TRANK1: variants seen among roughly 807,000 people sequenced by gnomAD.
The protein encoded by TRANK1 is tetratricopeptide repeat and ankyrin repeat containing 1.
In TRANK1, 198 loss-of-function variants were observed where a neutral mutation model predicts 266.0. The ratio of observed to expected loss-of-function variants is 0.74; its 90% CI spans 0.66 to 0.84. TRANK1 has a LOEUF of 0.84. Among genes scored for constraint, TRANK1 ranks in the 40% least tolerant of loss-of-function variants. TRANK1 has a pLI of 0.00. For missense variants in TRANK1, 3,326 were observed against 3,634.6 expected, an observed-to-expected ratio of 0.92 and a Z score of 2.18; for synonymous variants, 1,396 against 1,384.1, an observed-to-expected ratio of 1.01 and a Z score of -0.19.
Position 36,831,441 on chromosome 3 carries a change from T to C in TRANK1, c.8142A>G (p.Gln2714=). 6.2e-7 allele frequency: 1 copy of C among 1,613,234 alleles called. No individual in the cohort carries two copies. The highest frequency in any genetic ancestry group is 1.3e-5 in the African/African-American group (1 of 75,024). The change falls in exon 22 of 24, where the codon CAA becomes CAG. Residue 2714 remains glutamine, a synonymous_variant. Transcript: ENST00000645898. This position sits in a 1 kb window ranked among gnomAD's most constrained non-coding sequence, Gnocchi z 5.0. ...ACTTCCGCTGTATGGAGGCCTTCCGTTGCTTTTGGGAAAGAATGGTGGCCA... is the reference window on the plus strand; with the variant it reads ...ACTTCCGCTGTATGGAGGCCTTCCGCTGCTTTTGGGAAAGAATGGTGGCCA... The part of the protein sequence containing the change: ...HVLATILSQK[Q]RKASIQRKLR...
Position 36,827,913 on chromosome 3 carries a change from T to TC in TRANK1, c.*361dup, listed in dbSNP as rs112093240. 8.1e-3 allele frequency: 1,404 copies of TC among 174,370 alleles called. 17 individuals are homozygous for TC. Among genetic ancestry groups the TC allele is most frequent in the African/African-American group, 0.032 (1,346 of 42,232 alleles). 10.8% of individuals were successfully genotyped at this position (174,370 alleles called of 1,614,324 possible). A position where few individuals can be genotyped will look rare whatever the true frequency, so the allele number is the denominator to read the frequency against. ...GCAGCAGCAACTGAGGTGAGGAGAGTCTGTCCTAACACCTAGTCCTCTGCT... is the reference window on the plus strand; with the variant it reads ...GCAGCAGCAACTGAGGTGAGGAGAGTCCTGTCCTAACACCTAGTCCTCTGCT... On this transcript the variant is annotated 3_prime_UTR_variant, in exon 24 of 24. Coordinates refer to ENST00000645898, the MANE Select transcript of TRANK1 (RefSeq NM_001329998.2).
At chr3:36,867,249 C>T (rs1036754386) in intron 9 of TRANK1, among the ~76,000 whole-genome samples, 1 of 152,002 alleles carries the variant, frequency 6.6e-6, no homozygotes, top group Non-Finnish European at 1.5e-5. Context: ...CACTATCAAG[C>T]TGATGGAAAC....
intron 15 of TRANK1, among the ~76,000 whole-genome samples, chr3:36,849,521 C>G (rs1308259447): frequency 6.6e-6 from 1 of 152,138 alleles, no homozygotes; most frequent in Non-Finnish European, 1.5e-5. Flanking sequence ...CACATATAAG[C>G]CCAGATAACA....
At chr3:36,933,123 C>T (rs2080381849) in intron 1 of TRANK1, among the ~76,000 whole-genome samples, 1 of 152,104 alleles carries the variant, frequency 6.6e-6, no homozygotes, top group Non-Finnish European at 1.5e-5. Flanking sequence ...TTTGGAAATG[C>T]TCTCTAGCTC....
intron 17 of TRANK1, among the ~76,000 whole-genome samples, chr3:36,844,455 G>A (rs556287047): frequency 2.0e-5 from 3 of 152,286 alleles, no homozygotes; most frequent in South Asian, 4.1e-4. Context: ...TTGAACTCCT[G>A]ACGTCAGGTG....
rs1349310352 is a variant in TRANK1, at chr3:36,874,295, T to A, written c.909A>T (p.Arg303=). ...GGAGCATCTGCACATCCTCTGTTTG[T>A]CCTAGGGCAGGCCAAAATGAGAAGG... ...AAHSPGYLVK[R]QTEDVQMLLR... The change falls in exon 9 of 24, where the codon CGA becomes CGT. Residue 303 remains arginine, a splice_region_variant and synonymous_variant. Transcript: ENST00000645898. 1.3e-6 allele frequency: 2 copies of A among 1,535,994 alleles called. No homozygotes were observed. Among genetic ancestry groups the A allele is most frequent in the African/African-American group, 2.7e-5 (2 of 72,920 alleles).
intron 13 of TRANK1, among the ~76,000 whole-genome samples, chr3:36,853,165 C>G (rs2079007927): frequency 6.6e-6 from 1 of 152,186 alleles, no homozygotes; most frequent in African/African-American, 2.4e-5. Flanking sequence ...ATCCTCACAA[C>G]AACAAATCCT....
At chr3:36,907,307 C>T (rs952928407) in intron 2 of TRANK1, among the ~76,000 whole-genome samples, 37 of 151,988 alleles carry the variant, frequency 2.4e-4, no homozygotes, top group Admixed American at 2.3e-3. Flanking sequence ...TGCGCCACTA[C>T]GCCCAGCTAA....
chr3:36,872,641 G>A (rs536314767), intron 9 of TRANK1, among the ~76,000 whole-genome samples: 1 of 152,174 alleles, frequency 6.6e-6, no homozygotes, highest in East Asian at 1.9e-4. Flanking sequence ...ATTATAAAAG[G>A]AGAAGTTTTA....
chr3:36,828,437 AGAAGGAAG>A (rs10590354), intron 23 of TRANK1, 62 bp from the exon 24 acceptor site: 13 of 833,024 alleles, frequency 1.6e-5, no homozygotes, highest in South Asian at 4.4e-5. Context: ...AGGGAAGGAA[AGAAGGAAG>A]GAAGGAAGGA....
intron 13 of TRANK1, among the ~76,000 whole-genome samples, chr3:36,853,361 A>T (rs572592750): frequency 1.3e-5 from 2 of 152,326 alleles, no homozygotes; most frequent in African/African-American, 4.8e-5. Flanking sequence ...TCTAGGTAGA[A>T]CGTCATGAAA....
At chr3:36,901,269 A>C (rs1431425499) in intron 3 of TRANK1, among the ~76,000 whole-genome samples, 1 of 152,164 alleles carries the variant, frequency 6.6e-6, no homozygotes, top group Non-Finnish European at 1.5e-5. Context: ...AGAAACTCTG[A>C]AGAAATGAGG....
intron 8 of TRANK1, among the ~76,000 whole-genome samples, chr3:36,882,517 C>T (rs2079546439): frequency 6.6e-6 from 1 of 152,072 alleles, no homozygotes; most frequent in African/African-American, 2.4e-5. Flanking sequence ...GACCAAGAAT[C>T]TAAATGTAAA....
At chr3:36,889,070 C>T (rs1033771616) in intron 8 of TRANK1, among the ~76,000 whole-genome samples, 5 of 152,168 alleles carry the variant, frequency 3.3e-5, no homozygotes, top group Admixed American at 6.5e-5. Flanking sequence ...TGTCCAACAT[C>T]TCTTGCCATG....
At chr3:36,936,409 G>A (rs142254095) in intron 1 of TRANK1, among the ~76,000 whole-genome samples, 7 of 151,614 alleles carry the variant, frequency 4.6e-5, no homozygotes, top group Non-Finnish European at 5.9e-5. Flanking sequence ...CATTTGAGAC[G>A]GAAGAGGTCA....
intron 2 of TRANK1, among the ~76,000 whole-genome samples, chr3:36,905,953 C>T (rs2079961638): frequency 6.6e-6 from 1 of 152,184 alleles, no homozygotes; most frequent in South Asian, 2.1e-4. Flanking sequence ...TCAGGAAGGT[C>T]CCACAAAAGG....
rs938991971 is a variant in TRANK1, at chr3:36,930,036, G to A, written c.23+14751C>T. On this transcript the variant is annotated intron_variant, in intron 1 of 23. Coordinates refer to ENST00000645898, the MANE Select transcript of TRANK1 (RefSeq NM_001329998.2). ...ATTACAGGCATGTGCCACCACACCC[G>A]GCTAACTTTTTTTTGTATTTAGTAA... is the stretch of plus-strand genomic sequence containing the variant. 1.1e-4 allele frequency among the ~76,000 whole-genome samples: 17 copies of A among 152,184 alleles called. 1 individual carries two copies. The highest frequency in any genetic ancestry group is 4.2e-4 in the South Asian group (2 of 4,808).
At chr3:36,873,919 A>C (rs2079346516) in intron 9 of TRANK1, among the ~76,000 whole-genome samples, 2 of 151,370 alleles carry the variant, frequency 1.3e-5, no homozygotes, top group East Asian at 1.9e-4. Context: ...AGAATGTCAT[A>C]GCATCTCTCT....
At position 36,856,400 on chromosome 3, in the gene TRANK1, A is replaced by G. The variant is rs2079054658; in HGVS notation, c.3322T>C (p.Leu1108=). 3.7e-6 allele frequency: 6 copies of G among 1,607,772 alleles called. No homozygotes were observed. The highest frequency in any genetic ancestry group is 5.1e-6 in the Non-Finnish European group (6 of 1,176,954). The change falls in exon 13 of 24, where the codon TTG becomes CTG. Residue 1108 remains leucine (L), a synonymous_variant. Coordinates refer to ENST00000645898, the MANE Select transcript of TRANK1 (RefSeq NM_001329998.2). ...WEKAEQAGSP[L]LAKQVWLKRR... ...TTCAGCCAGACCTGTTTGGCCAGCA[A>G]TGGGCTTCCTGCCTGCTCAGCTTTT...
Sources: gnomAD v4.1 joint callset for allele counts (sites outside exome capture counted in the v4.1 genomes callset) on GRCh38, gnomAD v4.1.1 for gene constraint, Gnocchi (gnomAD v3.1) non-coding constraint, MANE v1.5 for transcripts, NCBI Gene and HGNC (gene_info 2026-07-23, HGNC 2026-07-21) for gene names.